DCC: variants seen among roughly 807,000 people sequenced by gnomAD.
DCC encodes the protein netrin receptor DCC.
DCC carries 58 observed loss-of-function variants against 172.5 expected under a neutral mutation model. The observed-to-expected ratio is 0.34, with a 90% CI of 0.27 to 0.42. DCC has a LOEUF of 0.42. Among genes scored for constraint, DCC ranks in the 10% least tolerant of loss-of-function variants. The pLI is 1.00. For missense variants in DCC, 1,740 were observed against 1,791.0 expected, an observed-to-expected ratio of 0.97 and a Z score of 0.51; for synonymous variants, 709 against 644.5, an observed-to-expected ratio of 1.10 and a Z score of -1.52.
intron 15 of DCC, among the ~76,000 whole-genome samples, chr18:53,375,177 A>T (rs762795654): frequency 1.3e-5 from 2 of 152,202 alleles, no homozygotes; most frequent in Non-Finnish European, 2.9e-5. Context: ...AAGTGCTCAT[A>T]AACAGGGACT....
chr18:52,852,333 T>C (rs954509767), intron 2 of DCC, among the ~76,000 whole-genome samples: 4 of 152,144 alleles, frequency 2.6e-5, no homozygotes, highest in Admixed American at 1.3e-4. Flanking sequence ...TCCCAAATTA[T>C]AGACTTAAAG....
intron 23 of DCC, among the ~76,000 whole-genome samples, chr18:53,452,294 T>C (rs1487432495): frequency 6.6e-6 from 1 of 152,172 alleles, no homozygotes; most frequent in African/African-American, 2.4e-5. Context: ...TGGCCTACCA[T>C]ATAACTGCTT....
chr18:52,880,081 T>C (rs1796885211), intron 2 of DCC, among the ~76,000 whole-genome samples: 1 of 152,156 alleles, frequency 6.6e-6, no homozygotes, highest in South Asian at 2.1e-4. Flanking sequence ...AGATTATTAT[T>C]GATTATAGTC....
rs545782580 is a variant in DCC at position 53,143,346 on chromosome 18, T to G, written c.1262-14010T>G. Among the ~76,000 whole-genome samples the G allele has an allele frequency of 3.7e-4, 57 of 152,300 alleles. 1 individual carries two copies. In the South Asian group the frequency reaches 0.012, roughly 31 times the overall value. On this transcript the variant is annotated intron_variant, in intron 7 of 28. Coordinates refer to ENST00000442544, the MANE Select transcript of DCC (RefSeq NM_005215.4). ...TATAGCCAGTGTGCTGACAGCTGTA[T>G]AGCAGTGATTCCTCCTTTTGAGAAT... is the stretch of plus-strand genomic sequence containing the variant.
At chr18:52,582,673 G>A (rs2144780097) in intron 1 of DCC, among the ~76,000 whole-genome samples, 1 of 152,252 alleles carries the variant, frequency 6.6e-6, no homozygotes, top group Middle Eastern at 3.4e-3. Flanking sequence ...CTAGGGACAG[G>A]GCCATTACTT....
intron 2 of DCC, among the ~76,000 whole-genome samples, chr18:52,808,388 C>G (rs2038127882): frequency 7.5e-6 from 1 of 133,796 alleles, no homozygotes; most frequent in African/African-American, 2.7e-5. Flanking sequence ...CTAAGTGACT[C>G]AATCAAGATT....
chr18:53,297,401 T>C (rs2057080555), intron 12 of DCC, among the ~76,000 whole-genome samples: 1 of 152,166 alleles, frequency 6.6e-6, no homozygotes, highest in African/African-American at 2.4e-5. Context: ...ATAGTTCTTA[T>C]TTTTTCCCAA....
intron 1 of DCC, among the ~76,000 whole-genome samples, chr18:52,435,815 T>C (rs981876454): frequency 6.6e-6 from 1 of 152,198 alleles, no homozygotes. Flanking sequence ...TCACTGTTCT[T>C]CTGCTTCTTC....
At chr18:53,186,119 G>A (rs1454213819) in intron 9 of DCC, among the ~76,000 whole-genome samples, 1 of 152,150 alleles carries the variant, frequency 6.6e-6, no homozygotes, top group African/African-American at 2.4e-5. Flanking sequence ...TGAGCACACA[G>A]TACGATTCAG....
At chr18:53,498,415 A>C (rs2046052649) in intron 26 of DCC, among the ~76,000 whole-genome samples, 1 of 152,206 alleles carries the variant, frequency 6.6e-6, no homozygotes, top group Non-Finnish European at 1.5e-5. Context: ...TTAATACTTA[A>C]ACCTACTATG....
chr18:52,668,353 C>T (rs539194560), intron 1 of DCC, among the ~76,000 whole-genome samples: 101 of 152,238 alleles, frequency 6.6e-4, no homozygotes, highest in African/African-American at 2.1e-3. Flanking sequence ...GATTTTAAAG[C>T]TCTAATTCAT....
intron 12 of DCC, among the ~76,000 whole-genome samples, chr18:53,273,271 G>T (rs1382098094): frequency 6.6e-6 from 1 of 151,854 alleles, no homozygotes; most frequent in Non-Finnish European, 1.5e-5. Context: ...TTATACATGA[G>T]CCTCTGAATT....
chr18:53,370,964 TC>T (rs1300148968), intron 15 of DCC, among the ~76,000 whole-genome samples: 1 of 151,964 alleles, frequency 6.6e-6, no homozygotes, highest in Non-Finnish European at 1.5e-5. Context: ...TAAGATATTT[TC>T]TTAGAATACT....
At chr18:52,358,425 T>C (rs1420110018) in intron 1 of DCC, among the ~76,000 whole-genome samples, 1 of 152,244 alleles carries the variant, frequency 6.6e-6, no homozygotes, top group East Asian at 1.9e-4. Context: ...TCCGCCTTTT[T>C]TGTGCCTTTG....
chr18:52,779,646 T>C (rs1280205612), intron 2 of DCC, among the ~76,000 whole-genome samples: 1 of 152,218 alleles, frequency 6.6e-6, no homozygotes, highest in African/African-American at 2.4e-5. Flanking sequence ...TAGAATGATT[T>C]ATAATCCTTT....
chr18:52,826,709 C>T (rs1421051349), intron 2 of DCC, among the ~76,000 whole-genome samples: 2 of 151,956 alleles, frequency 1.3e-5, no homozygotes, highest in Admixed American at 1.3e-4. Flanking sequence ...GAACTCCTGA[C>T]CTCAAATTAT....
At chr18:52,687,554 C>A (rs1444979284) in intron 1 of DCC, among the ~76,000 whole-genome samples, 2 of 151,896 alleles carry the variant, frequency 1.3e-5, no homozygotes, top group Non-Finnish European at 2.9e-5. Flanking sequence ...CAAAGTGCTC[C>A]CAAAGTGTAG....
intron 8 of DCC, among the ~76,000 whole-genome samples, chr18:53,167,001 A>G (rs530103491): frequency 6.6e-6 from 1 of 152,306 alleles, no homozygotes; most frequent in East Asian, 1.9e-4. Context: ...GGCATTCACT[A>G]AAGAAATAAT....
At chr18:53,114,734 T>G (rs1219778887) in intron 7 of DCC, among the ~76,000 whole-genome samples, 2 of 151,590 alleles carry the variant, frequency 1.3e-5, no homozygotes, top group Non-Finnish European at 3.0e-5. Flanking sequence ...GGACTTCAAA[T>G]CACTTTGAAA....
Sources: allele counts gnomAD v4.1 joint callset (sites outside exome capture counted in the v4.1 genomes callset), GRCh38; gene constraint gnomAD v4.1.1; transcripts MANE v1.5; gene names NCBI Gene and HGNC (gene_info 2026-07-23, HGNC 2026-07-21).